ZNF155: variants seen among roughly 807,000 people sequenced by gnomAD.
ZNF155 encodes the protein KRAB A domain.
Under a neutral mutation model 11.9 loss-of-function variants are expected in ZNF155, and 15 were observed. The ratio of observed to expected loss-of-function variants is 1.26; its 90% CI spans 0.84 to 1.94. The LOEUF (loss-of-function observed/expected upper bound fraction) is 1.94, where lower values mean the gene tolerates loss of function less well. Among genes scored for constraint, ZNF155 ranks in the 30% most tolerant of loss-of-function variants. The pLI is 0.00. For missense variants in ZNF155, 602 were observed against 639.1 expected (o/e 0.94, Z 0.63); for synonymous variants, 212 against 219.9 (o/e 0.96, Z 0.32).
chr19:43,988,826 T>G, intron 2 of ZNF155: 1 of 333,714 alleles, frequency 3.0e-6, no homozygotes, highest in Non-Finnish European at 5.2e-6. Context: ...CTCTCTCAAA[T>G]TATCTGTTTT....
intron 1 of ZNF155, among the ~76,000 whole-genome samples, 171 bp from the exon 2 acceptor site, chr19:43,988,288 A>G (rs1209735165): frequency 6.6e-6 from 1 of 152,132 alleles, no homozygotes; most frequent in African/African-American, 2.4e-5. Context: ...AGCTTTGGAA[A>G]CATCCTTTAA....
In ZNF155 at chr19:43,991,944, A is replaced by G; in HGVS notation, c.235+10A>G. 3 of 1,610,634 alleles carry G rather than the reference A, an allele frequency of 1.9e-6. No homozygotes were observed. Among genetic ancestry groups the G allele is most frequent in the Non-Finnish European group, 2.5e-6 (3 of 1,177,808 alleles). On this transcript the variant is annotated intron_variant, in intron 4 of 4. Coordinates refer to ENST00000270014, the MANE Select transcript of ZNF155 (RefSeq NM_198089.3). ...AGAGAAGGGAATTCAGGTAAGAACT[A>G]AGCATCTGTGTGTCCTTGTACCTGA... is the stretch of plus-strand genomic sequence containing the variant.
Position 43,996,734 on chromosome 19 carries a change from T to C in ZNF155, c.877T>C (p.Cys293Arg), listed in dbSNP as rs752339077. The C allele has an allele frequency of 2.9e-5, 47 of 1,614,012 alleles. No individual in the cohort carries two copies. The highest frequency in any genetic ancestry group is 3.7e-5 in the Non-Finnish European group (44 of 1,180,008). The change falls in exon 5 of 5, where the codon TGT becomes CGT. Residue 293 changes from cysteine (C) to arginine (R), a missense_variant. Coordinates refer to ENST00000270014, the MANE Select transcript of ZNF155 (RefSeq NM_198089.3). Reference protein sequence around the residue: ...TGEKPFKCDICGKTFYFRSRL... With the variant: ...TGEKPFKCDIRGKTFYFRSRL... Reference sequence around the variant, plus strand: ...GGAGAAACCATTCAAATGTGATATATGTGGTAAGACCTTCTATTTTAGGTC... The same window carrying C: ...GGAGAAACCATTCAAATGTGATATACGTGGTAAGACCTTCTATTTTAGGTC...
At chr19:43,986,683 T>C (rs1975466077) in intron 1 of ZNF155, among the ~76,000 whole-genome samples, 2 of 152,116 alleles carry the variant, frequency 1.3e-5, no homozygotes, top group Admixed American at 6.5e-5. Context: ...TCTCCTGACC[T>C]TGTGATCCGC....
At chr19:43,992,366 A>C (rs1196793602) in intron 4 of ZNF155, among the ~76,000 whole-genome samples, 1 of 152,190 alleles carries the variant, frequency 6.6e-6, no homozygotes, top group Non-Finnish European at 1.5e-5. Context: ...AATGACCACA[A>C]ACTTAGTGGA....
chr19:43,990,935 C>A lies in ZNF155; in HGVS notation c.16-613C>A, dbSNP rs1975636115. Among the ~76,000 whole-genome samples the A allele has an allele frequency of 3.9e-5, 6 of 152,218 alleles. No homozygotes were observed. The South Asian group carries it at 1.2e-3, about 32-fold the overall frequency. ...AGAGGTACCCCAGAAGGCAGCCCACCCGAGGTTATATACCTCCGGGGCAAT... is the reference window on the plus strand; with the variant it reads ...AGAGGTACCCCAGAAGGCAGCCCACACGAGGTTATATACCTCCGGGGCAAT... On this transcript the variant is annotated intron_variant, in intron 2 of 4. Coordinates refer to ENST00000270014, the MANE Select transcript of ZNF155 (RefSeq NM_198089.3).
chr19:43,992,026 AC>A, intron 4 of ZNF155, 92 bp downstream of exon 4: 2 of 1,125,354 alleles, frequency 1.8e-6, no homozygotes, highest in South Asian at 1.5e-5. Flanking sequence ...GATGTAAATG[AC>A]CACATCTCCT....
Position 43,997,441 on chromosome 19 carries a change from T to C in ZNF155, c.1584T>C (p.Asp528=). Residue 528 remains aspartate, a synonymous_variant, in exon 5 of 5, where the codon GAT becomes GAC. Coordinates refer to ENST00000270014, the MANE Select transcript of ZNF155 (RefSeq NM_198089.3). ...GCTACAAGAGGCGCTTGAATCTGGA[T>C]ATACTTTTATCATTATTTCTAAATG... ...GRRYKRRLNL[D]ILLSLFLNDT is the part of the protein sequence containing the mutation. The C allele has an allele frequency of 6.2e-7, 1 of 1,600,460 alleles. No individual in the cohort carries two copies. Among genetic ancestry groups the C allele is most frequent in the Non-Finnish European group, 8.5e-7 (1 of 1,176,604 alleles).
Position 43,985,542 on chromosome 19 carries a change from T to C in ZNF155, c.-86+1297T>C, listed in dbSNP as rs1255778209. On this transcript the variant is annotated intron_variant, in intron 1 of 4. Transcript: ENST00000270014. The stretch of plus-strand genomic sequence containing the variant: ...AGGTATTGCTCTTTTTCTTTTTTTT[T>C]TTTTTTTTTTTTTCCTGAGACGGAG... Among the ~76,000 whole-genome samples, 339 of 148,688 alleles carry C rather than the reference T, an allele frequency of 2.3e-3. 3 individuals are homozygous for C. Among genetic ancestry groups the C allele is most frequent in the Admixed American group, 4.5e-3 (68 of 15,064 alleles).
At chr19:43,991,721 G>T in intron 3 of ZNF155, 47 bp downstream of exon 3, 1 of 1,612,884 alleles carries the variant, frequency 6.2e-7, no homozygotes. Context: ...CTCAGGAGTG[G>T]TTTTGTACCT....
intron 1 of ZNF155, among the ~76,000 whole-genome samples, chr19:43,985,180 G>A (rs2147365716): frequency 6.6e-6 from 1 of 152,086 alleles, no homozygotes; most frequent in South Asian, 2.1e-4. Context: ...TCTGTCCTCA[G>A]CTCCGGAGTA....
At chr19:43,989,974 T>C in intron 2 of ZNF155, 1 of 1,256,578 alleles carries the variant, frequency 8.0e-7, no homozygotes, top group Non-Finnish European at 1.0e-6. Flanking sequence ...ATGGTTTTCA[T>C]TTGTAATCAA....
chr19:43,995,327 A>C lies in ZNF155; in HGVS notation c.236-766A>C, dbSNP rs567741655. Among the ~76,000 whole-genome samples, 3 of 150,956 alleles carry C rather than the reference A, an allele frequency of 2.0e-5. No individual in the cohort carries two copies. The East Asian group carries it at 5.9e-4, about 29-fold the overall frequency. ...GGGTTTCAAGGCCAGGCTGGTCTTG[A>C]ACTCCTGACCTCAAGTGATCTGCCC... On this transcript the variant is annotated intron_variant, in intron 4 of 4. Coordinates refer to ENST00000270014, the MANE Select transcript of ZNF155 (RefSeq NM_198089.3).
chr19:43,988,771 T>C (rs1182276605), intron 2 of ZNF155: 1 of 433,824 alleles, frequency 2.3e-6, no homozygotes. Flanking sequence ...TTATGGAGTA[T>C]GAAAATTAGT....
At position 43,988,468 on chromosome 19, in the gene ZNF155, C is replaced by T. The variant is rs372369242; in HGVS notation, c.-76C>T. The T allele has an allele frequency of 3.8e-5, 57 of 1,486,580 alleles. 1 individual carries two copies. The highest frequency in any genetic ancestry group is 1.8e-4 in the East Asian group (8 of 43,652). The allele number at this position is 1,486,580 out of a possible 1,614,324, so 92.1% of individuals were successfully genotyped here. A position where few individuals can be genotyped will look rare whatever the true frequency, so the allele number is the denominator to read the frequency against. On this transcript the variant is annotated 5_prime_UTR_variant, in exon 2 of 5. The change creates a new upstream start codon in the 5' untranslated region. Transcript: ENST00000270014. ...CTCTCTTTTTCTGCAGACTGTGGCA[C>T]GTTTCAGGCAGGATTCCTCCTTCAT... is the stretch of plus-strand genomic sequence containing the variant.
rs951089560 is a variant in ZNF155, at chr19:43,984,211, A to C, written c.-120A>C. 1 of 152,084 alleles carries C rather than the reference A, an allele frequency of 6.6e-6. No homozygotes were observed. Among genetic ancestry groups the C allele is most frequent in the Non-Finnish European group, 1.5e-5 (1 of 68,034 alleles). The allele number at this position is 152,084 out of a possible 1,614,324, so 9.4% of individuals were successfully genotyped here. A position where few individuals can be genotyped will look rare whatever the true frequency, so the allele number is the denominator to read the frequency against. ...TCATCGACACTTCCGGTCTCCGAGC[A>C]GGACACTGCTACTTAACAAGGTGGT... On this transcript the variant is annotated 5_prime_UTR_variant, in exon 1 of 5. Coordinates refer to ENST00000270014, the MANE Select transcript of ZNF155 (RefSeq NM_198089.3).
intron 1 of ZNF155, among the ~76,000 whole-genome samples, chr19:43,987,994 C>T (rs1411086364): frequency 6.6e-6 from 1 of 152,086 alleles, no homozygotes; most frequent in Non-Finnish European, 1.5e-5. Context: ...ACAGTTAAAA[C>T]TCATTTTCAG....
At position 43,996,150 on chromosome 19, in the gene ZNF155, G is replaced by A. The variant is rs760747230; in HGVS notation, c.293G>A (p.Trp98Ter). 6 of 1,613,812 alleles carry A rather than the reference G, an allele frequency of 3.7e-6. No homozygotes were observed. In the South Asian group the frequency reaches 6.6e-5, roughly 18 times the overall value. Residue 98 changes from tryptophan to a stop codon, truncating the protein, a stop_gained, in exon 5 of 5, where the codon TGG (tryptophan) becomes TAG (stop). Coordinates refer to ENST00000270014, the MANE Select transcript of ZNF155 (RefSeq NM_198089.3). LOFTEE classifies it low-confidence loss of function (END_TRUNC). ...SVPEAGAHEE[W>*]SCQQIWEQIA... Reference sequence around the variant, plus strand: ...CCAGAAGCAGGAGCACATGAAGAGTGGTCCTGCCAGCAAATCTGGGAACAA... The same window carrying A: ...CCAGAAGCAGGAGCACATGAAGAGTAGTCCTGCCAGCAAATCTGGGAACAA...
Position 43,991,600 on chromosome 19 carries a change from G to T in ZNF155, c.68G>T (p.Gly23Val), listed in dbSNP as rs770767355. 1 of 1,614,104 alleles carries T rather than the reference G, an allele frequency of 6.2e-7. No individual in the cohort carries two copies. Among genetic ancestry groups the T allele is most frequent in the South Asian group, 1.1e-5 (1 of 91,070 alleles). ...GTGGTCTTCACTGAGGAGGAGCTGG[G>T]GCTGCTGGACCCTGCCCAGAGGAAG... ...VAVVFTEEEL[G>V]LLDPAQRKLY... Residue 23 changes from glycine to valine, a missense_variant, in exon 3 of 5, where the codon GGG becomes GTG. Gly to Val is a moderately radical substitution (Grantham distance 109). Transcript: ENST00000270014.
Sources: gnomAD v4.1 joint callset for allele counts (sites outside exome capture counted in the v4.1 genomes callset) on GRCh38, gnomAD v4.1.1 for gene constraint, MANE v1.5 for transcripts, NCBI Gene and HGNC (gene_info 2026-07-23, HGNC 2026-07-21) for gene names.